Variants in CEMIP observed in about 807,000 individuals in gnomAD.
CEMIP encodes cell migration-inducing and hyaluronan-binding protein.
In CEMIP, 105 loss-of-function variants were observed where a neutral mutation model predicts 156.9. That is an observed-to-expected ratio of 0.67 (90% CI 0.57 to 0.79). CEMIP has a LOEUF of 0.79. Ranked by LOEUF, CEMIP falls within the 30% of genes least tolerant of loss-of-function variation. The pLI, the probability that CEMIP is intolerant of heterozygous loss-of-function variation, is 0.00. For synonymous variants in CEMIP, 676 were observed against 668.4 expected, an observed-to-expected ratio of 1.01 and a Z score of -0.17; for missense variants, 1,457 against 1,769.4, an observed-to-expected ratio of 0.82 and a Z score of 3.17.
chr15:80,909,418 C>T, intron 14 of CEMIP, 112 bp downstream of exon 14: 1 of 1,079,164 alleles, frequency 9.3e-7, no homozygotes, highest in Non-Finnish European at 1.4e-6. Flanking sequence ...TTGAACCATC[C>T]TTAGTTCAGG....
intron 29 of CEMIP, chr15:80,947,594 TGGA>T: frequency 6.3e-6 from 1 of 157,780 alleles, no homozygotes; most frequent in Non-Finnish European, 1.4e-5. Context: ...CTGGCTGTGC[TGGA>T]AGAAGCCATC....
intron 1 of CEMIP, among the ~76,000 whole-genome samples, chr15:80,803,320 T>C (rs933817777): frequency 6.6e-6 from 1 of 152,206 alleles, no homozygotes; most frequent in African/African-American, 2.4e-5. Flanking sequence ...CAGAAAGCTA[T>C]GGATGACTTC....
chr15:80,946,825 C>G, intron 28 of CEMIP, 140 bp from the exon 29 acceptor site: 1 of 702,810 alleles, frequency 1.4e-6, no homozygotes, highest in Admixed American at 2.0e-5. Flanking sequence ...ACAGGAGAGG[C>G]TGCCCTTTCC....
chr15:80,827,825 G>C (rs1037470627), intron 1 of CEMIP, among the ~76,000 whole-genome samples: 5 of 152,128 alleles, frequency 3.3e-5, no homozygotes, highest in Non-Finnish European at 5.9e-5. Flanking sequence ...CCTCAAAACT[G>C]TGGAATTCCC....
Position 80,949,990 on chromosome 15 carries a change from G to T in CEMIP, c.*1066G>T, listed in dbSNP as rs1901748518. Reference sequence around the variant, plus strand: ...GATGGAGAAGTGTGGTCAGAGGGGAGCAATGGGCTTTGCTGCTTATGAGCA... The same window carrying T: ...GATGGAGAAGTGTGGTCAGAGGGGATCAATGGGCTTTGCTGCTTATGAGCA... On this transcript the variant is annotated 3_prime_UTR_variant, in exon 30 of 30. Transcript: ENST00000394685. 1 of 152,102 alleles carries T rather than the reference G, an allele frequency of 6.6e-6. No individual in the cohort carries two copies. The highest frequency in any genetic ancestry group is 6.5e-5 in the Admixed American group (1 of 15,268). 9.4% of individuals were successfully genotyped at this position (152,102 alleles called of 1,614,324 possible).
At chr15:80,872,262 C>T (rs1898321244) in intron 1 of CEMIP, among the ~76,000 whole-genome samples, 1 of 152,320 alleles carries the variant, frequency 6.6e-6, no homozygotes, top group East Asian at 1.9e-4. Context: ...GGCACAACTA[C>T]AGTCATATTC....
In CEMIP at chr15:80,951,494, T is replaced by G. The variant is rs968306061; in HGVS notation, c.*2570T>G. On this transcript the variant is annotated 3_prime_UTR_variant, in exon 30 of 30. Coordinates refer to ENST00000394685, the MANE Select transcript of CEMIP (RefSeq NM_001293298.2). ...CTCTGAAATGCTTGTCTTTTTTCTG[T>G]TGCCGAAATAGCTGGTCCTTTTTCG... is the stretch of plus-strand genomic sequence containing the variant. 85 of 152,788 alleles carry G rather than the reference T, an allele frequency of 5.6e-4. No individual in the cohort carries two copies. The highest frequency in any genetic ancestry group is 1.9e-3 in the African/African-American group (81 of 41,594). The allele number at this position is 152,788 out of a possible 1,614,324, so 9.5% of individuals were successfully genotyped here.
chr15:80,899,858 T>G (rs555548605), intron 12 of CEMIP, among the ~76,000 whole-genome samples: 1 of 152,312 alleles, frequency 6.6e-6, no homozygotes, highest in East Asian at 1.9e-4. Context: ...CAGGGACAAT[T>G]GTGAAGAAGC....
At chr15:80,889,626 A>T in intron 10 of CEMIP, 34 bp downstream of exon 10, 1 of 1,608,834 alleles carries the variant, frequency 6.2e-7, no homozygotes, top group Non-Finnish European at 8.5e-7. Flanking sequence ...GAAAATAGAA[A>T]TGTGTTGTTT....
intron 1 of CEMIP, among the ~76,000 whole-genome samples, chr15:80,861,742 G>A (rs1016652227): frequency 6.6e-6 from 1 of 152,232 alleles, no homozygotes; most frequent in African/African-American, 2.4e-5. Context: ...AACTGCTGAT[G>A]CTAGTATTTT....
At chr15:80,896,336 C>T in intron 12 of CEMIP, 1 of 597,418 alleles carries the variant, frequency 1.7e-6, no homozygotes, top group Non-Finnish European at 3.1e-6. Context: ...AAAACATATT[C>T]TTCTCACGGG....
chr15:80,893,516 C>T (rs934770773), intron 10 of CEMIP, among the ~76,000 whole-genome samples: 18 of 152,208 alleles, frequency 1.2e-4, no homozygotes, highest in Non-Finnish European at 2.1e-4. Flanking sequence ...CTCAATCTTA[C>T]GGGGTCTCCA....
At chr15:80,934,419 A>G (rs942390784) in intron 23 of CEMIP, among the ~76,000 whole-genome samples, 1 of 152,232 alleles carries the variant, frequency 6.6e-6, no homozygotes, top group Non-Finnish European at 1.5e-5. Flanking sequence ...AACTTAAAAT[A>G]TTAGTTAGCT....
At chr15:80,937,721 C>A in intron 24 of CEMIP, 73 bp from the exon 25 acceptor site, 1 of 1,460,052 alleles carries the variant, frequency 6.8e-7, no homozygotes, top group Non-Finnish European at 9.6e-7. Context: ...TGGTCTCTTT[C>A]TCCAAGGCAT....
At chr15:80,908,251 C>A (rs886189785) in intron 13 of CEMIP, among the ~76,000 whole-genome samples, 3 of 152,132 alleles carry the variant, frequency 2.0e-5, no homozygotes, top group Non-Finnish European at 4.4e-5. Flanking sequence ...TGAGACCAGT[C>A]CCTGAATGAT....
chr15:80,926,967 A>G (rs1900709244), intron 19 of CEMIP, among the ~76,000 whole-genome samples: 1 of 151,816 alleles, frequency 6.6e-6, no homozygotes, highest in South Asian at 2.1e-4. Context: ...AGTAGCTGGG[A>G]TTACAAGCGT....
At chr15:80,828,832 A>G (rs1269298279) in intron 1 of CEMIP, among the ~76,000 whole-genome samples, 1 of 152,206 alleles carries the variant, frequency 6.6e-6, no homozygotes, top group Non-Finnish European at 1.5e-5. Context: ...AGTGGTCTTG[A>G]GTAGACTTAC....
rs780684620 is a variant in CEMIP at position 80,895,928 on chromosome 15, G to A, written c.1279G>A (p.Glu427Lys). 3.1e-6 allele frequency: 5 copies of A among 1,614,130 alleles called. No individual in the cohort carries two copies. Among genetic ancestry groups the A allele is most frequent in the East Asian group, 4.5e-5 (2 of 44,880 alleles). Residue 427 changes from glutamate to lysine, a missense_variant, in exon 12 of 30, where the codon GAG becomes AAG. Around this residue, in one of 5 missense-constraint regions of CEMIP, gnomAD observed 280 missense variants for 300.3 expected, o/e 0.93. Coordinates refer to ENST00000394685, the MANE Select transcript of CEMIP (RefSeq NM_001293298.2). ...TNVNSTILNL[E>K]DNVQSWKPGD... ...TGTGAACAGCACCATTCTGAACTTGGAGGATAATGTACAGTCATGGAAACC... is the reference window on the plus strand; with the variant it reads ...TGTGAACAGCACCATTCTGAACTTGAAGGATAATGTACAGTCATGGAAACC...
At chr15:80,851,549 A>G (rs1897717020) in intron 1 of CEMIP, among the ~76,000 whole-genome samples, 1 of 152,212 alleles carries the variant, frequency 6.6e-6, no homozygotes, top group Non-Finnish European at 1.5e-5. Flanking sequence ...GGTGGGAAAT[A>G]AGGAAGAAAG....
Sources: gnomAD v4.1 joint callset for allele counts (sites outside exome capture counted in the v4.1 genomes callset) on GRCh38, gnomAD v4.1.1 for gene constraint, gnomAD v4.1.1 regional missense constraint, MANE v1.5 for transcripts, NCBI Gene and HGNC (gene_info 2026-07-23, HGNC 2026-07-21) for gene names.